The following C10orf90 variants were observed in gnomAD, a reference collection of about 807,000 sequenced individuals.
The protein encoded by C10orf90 is (E2-independent) E3 ubiquitin-conjugating enzyme FATS.
In C10orf90, 56 loss-of-function variants were observed where a neutral mutation model predicts 62.5. That is an observed-to-expected ratio of 0.90 (90% CI 0.72 to 1.12). The LOEUF is 1.12. Among genes scored for constraint, C10orf90 ranks in the 50% most tolerant of loss-of-function variants. The pLI, the probability that C10orf90 is intolerant of heterozygous loss-of-function variation, is 0.00. For missense variants in C10orf90, 970 were observed against 880.4 expected (o/e 1.10, Z -1.29); for synonymous variants, 386 against 340.4 (o/e 1.13, Z -1.47).
chr10:126,493,613 C>CACAAAGTGCTGGGATTACAGGAGTG (rs1861880379), intron 4 of C10orf90, among the ~76,000 whole-genome samples: 1 of 152,040 alleles, frequency 6.6e-6, no homozygotes, highest in Admixed American at 6.5e-5. Context: ...ACCTCGGCCT[C>CACAAAGTGCTGGGATTACAGGAGTG]ACAAAGTGCT....
chr10:126,626,083 C>T (rs901931132), intron 2 of C10orf90, among the ~76,000 whole-genome samples: 4 of 148,568 alleles, frequency 2.7e-5, no homozygotes, highest in South Asian at 2.1e-4. Flanking sequence ...GAGCTGAGAT[C>T]GTGCCACTGC....
At chr10:126,524,179 T>C (rs1441531500) in intron 2 of C10orf90, among the ~76,000 whole-genome samples, 1 of 152,162 alleles carries the variant, frequency 6.6e-6, no homozygotes, top group African/African-American at 2.4e-5. Flanking sequence ...GGCAAGGAGA[T>C]AGATCTCTGG....
intron 4 of C10orf90, among the ~76,000 whole-genome samples, chr10:126,474,500 T>C (rs763284725): frequency 3.3e-5 from 5 of 152,206 alleles, no homozygotes; most frequent in Non-Finnish European, 7.3e-5. Flanking sequence ...TACAGAAATT[T>C]AAAATAGTGT....
chr10:126,519,239 A>G (rs991643253), intron 2 of C10orf90, among the ~76,000 whole-genome samples: 2 of 152,224 alleles, frequency 1.3e-5, no homozygotes, highest in Non-Finnish European at 2.9e-5. Context: ...GGCTTAAGAT[A>G]AAGTATGAAA....
chr10:126,577,931 A>T (rs186004740), intron 2 of C10orf90, among the ~76,000 whole-genome samples: 1 of 152,290 alleles, frequency 6.6e-6, no homozygotes, highest in Admixed American at 6.5e-5. Context: ...AGATATCCAT[A>T]TGAGAGAAAA....
chr10:126,494,637 G>T (rs1042059458), intron 4 of C10orf90, among the ~76,000 whole-genome samples: 1 of 152,196 alleles, frequency 6.6e-6, no homozygotes, highest in East Asian at 1.9e-4. Flanking sequence ...GCAAGAGACC[G>T]CCATGATGCG....
intron 2 of C10orf90, chr10:126,520,884 C>T (rs557839980): frequency 1.3e-5 from 2 of 156,368 alleles, no homozygotes; most frequent in East Asian, 1.9e-4. Context: ...AAACTCTCTC[C>T]TTTATAAAGA....
At chr10:126,462,462 G>T (rs1021936198) in intron 5 of C10orf90, among the ~76,000 whole-genome samples, 1 of 152,032 alleles carries the variant, frequency 6.6e-6, no homozygotes, top group Admixed American at 6.5e-5. Context: ...CCTTCCAAAA[G>T]TCTCCCTCCC....
At chr10:126,567,950 T>C (rs1844427337) in intron 2 of C10orf90, among the ~76,000 whole-genome samples, 1 of 151,934 alleles carries the variant, frequency 6.6e-6, no homozygotes, top group African/African-American at 2.4e-5. Context: ...TGGTATTGTT[T>C]ATTGTACAAG....
At chr10:126,647,786 C>T (rs760025494) in intron 1 of C10orf90, among the ~76,000 whole-genome samples, 4 of 152,140 alleles carry the variant, frequency 2.6e-5, no homozygotes, top group Admixed American at 6.5e-5. Flanking sequence ...TTGAATTCTC[C>T]CACCTCTCAG....
intron 2 of C10orf90, among the ~76,000 whole-genome samples, chr10:126,547,279 C>T (rs1864518756): frequency 6.6e-6 from 1 of 151,576 alleles, no homozygotes; most frequent in South Asian, 2.1e-4. Context: ...ATTAGCCGGG[C>T]GTGGTGGCGG....
chr10:126,639,144 CA>C (rs1846011486), intron 2 of C10orf90, among the ~76,000 whole-genome samples: 1 of 152,236 alleles, frequency 6.6e-6, no homozygotes, highest in East Asian at 1.9e-4. Flanking sequence ...CTTGCACACC[CA>C]TAGGCTCTGA....
At chr10:126,625,035 TG>T (rs1462492606) in intron 2 of C10orf90, among the ~76,000 whole-genome samples, 1 of 152,204 alleles carries the variant, frequency 6.6e-6, no homozygotes, top group African/African-American at 2.4e-5. Context: ...GCATCAGGTC[TG>T]GGGCCCCCGT....
intron 2 of C10orf90, among the ~76,000 whole-genome samples, chr10:126,545,135 C>A (rs988531858): frequency 6.6e-6 from 1 of 152,184 alleles, no homozygotes; most frequent in African/African-American, 2.4e-5. Flanking sequence ...GCCCTCCTAA[C>A]ACCCTTGTTC....
chr10:126,493,075 C>A (rs992686553), intron 4 of C10orf90, among the ~76,000 whole-genome samples: 1 of 151,084 alleles, frequency 6.6e-6, no homozygotes, highest in Non-Finnish European at 1.5e-5. Flanking sequence ...GAAGTTCGTT[C>A]GACAGGTACT....
At chr10:126,428,432 G>C (rs1857381470) in intron 8 of C10orf90, among the ~76,000 whole-genome samples, 1 of 152,164 alleles carries the variant, frequency 6.6e-6, no homozygotes, top group Non-Finnish European at 1.5e-5. Context: ...GAAAGCTCCA[G>C]GTGATTCTGT....
At chr10:126,558,550 G>A (rs1864828388) in intron 2 of C10orf90, among the ~76,000 whole-genome samples, 1 of 152,128 alleles carries the variant, frequency 6.6e-6, no homozygotes, top group African/African-American at 2.4e-5. Flanking sequence ...TTCCTCGCCT[G>A]GGCAATGTTA....
At chr10:126,486,478 C>T (rs1371720058) in intron 4 of C10orf90, among the ~76,000 whole-genome samples, 6 of 152,132 alleles carry the variant, frequency 3.9e-5, no homozygotes, top group African/African-American at 1.4e-4. Flanking sequence ...CACCAAACTG[C>T]AGAAGCAGAC....
At chr10:126,434,050 A>C (rs1857754034) in intron 7 of C10orf90, among the ~76,000 whole-genome samples, 1 of 152,106 alleles carries the variant, frequency 6.6e-6, no homozygotes, top group Non-Finnish European at 1.5e-5. Flanking sequence ...TCATTATTGG[A>C]TCCAAACTAC....
Sources: gnomAD v4.1 joint callset for allele counts (sites outside exome capture counted in the v4.1 genomes callset) on GRCh38, gnomAD v4.1.1 for gene constraint, MANE v1.5 for transcripts, NCBI Gene and HGNC (gene_info 2026-07-23, HGNC 2026-07-21) for gene names.